SPATA13: variants seen among roughly 807,000 people sequenced by gnomAD.
SPATA13 encodes the protein spermatogenesis-associated protein 13.
In SPATA13, 50 loss-of-function variants were observed where a neutral mutation model predicts 104.0. The observed-to-expected ratio is 0.48, with a 90% CI of 0.38 to 0.61. The LOEUF is 0.61. SPATA13 is among the 20% of genes least tolerant of loss of function. The pLI is 0.00. For missense variants in SPATA13, 1,524 were observed against 1,690.6 expected (o/e 0.90, Z 1.73); for synonymous variants, 606 against 667.5 (o/e 0.91, Z 1.42).
At chr13:24,240,730 C>A (rs1872790361) in intron 2 of SPATA13, among the ~76,000 whole-genome samples, 1 of 152,100 alleles carries the variant, frequency 6.6e-6, no homozygotes. Flanking sequence ...AGTATATTTG[C>A]ATTTTTAAAT....
chr13:24,280,250 G>A (rs143524330), intron 4 of SPATA13, among the ~76,000 whole-genome samples: 3 of 152,286 alleles, frequency 2.0e-5, no homozygotes, highest in Admixed American at 6.5e-5. Flanking sequence ...CTGTCCAGAG[G>A]TTTTTCTCCT....
intron 1 of SPATA13, among the ~76,000 whole-genome samples, chr13:24,217,057 AAAAC>A (rs376585686): frequency 5.3e-5 from 8 of 152,088 alleles, no homozygotes; most frequent in East Asian, 3.8e-4. Flanking sequence ...GTCTCAAAAC[AAAAC>A]AAACAAACAA....
At chr13:24,012,304 G>T in intron 2 of SPATA13, among the ~76,000 whole-genome samples, 2 of 152,204 alleles carry the variant, frequency 1.3e-5, no homozygotes, top group East Asian at 3.9e-4. Context: ...AGCCTCTGAG[G>T]CATAGGGCAG....
chr13:24,134,600 CAGTAGAGACCCTGGATA>C (rs1351285903), intron 3 of SPATA13, among the ~76,000 whole-genome samples: 2 of 152,108 alleles, frequency 1.3e-5, no homozygotes, highest in African/African-American at 4.8e-5. Flanking sequence ...AGGGGAACAT[CAGTAGAGACCCTGGATA>C]TGCCATCTTG....
At chr13:24,240,906 T>C (rs1872800319) in intron 2 of SPATA13, among the ~76,000 whole-genome samples, 1 of 152,202 alleles carries the variant, frequency 6.6e-6, no homozygotes, top group Non-Finnish European at 1.5e-5. Flanking sequence ...TTCATTGTTT[T>C]AAAATGTTTA....
chr13:24,121,336 G>A (rs1830927), intron 3 of SPATA13, among the ~76,000 whole-genome samples: 74,141 of 151,890 alleles, frequency 0.49, 19,198 homozygotes, highest in South Asian at 0.57. Flanking sequence ...TTGCTAGTTC[G>A]TTTTTCAATT....
At chr13:24,257,574 C>G (rs1448053580) in intron 4 of SPATA13, among the ~76,000 whole-genome samples, 1 of 151,472 alleles carries the variant, frequency 6.6e-6, no homozygotes, top group Non-Finnish European at 1.5e-5. Context: ...TTCTAACTTA[C>G]TGAAGTAATT....
intron 3 of SPATA13, among the ~76,000 whole-genome samples, chr13:24,053,269 G>A (rs9511022): frequency 6.6e-6 from 1 of 152,098 alleles, no homozygotes; most frequent in Non-Finnish European, 1.5e-5. Flanking sequence ...CGGCCTCAGT[G>A]CTGTGATCCA....
At chr13:24,231,807 A>G (rs1275978416) in intron 2 of SPATA13, among the ~76,000 whole-genome samples, 1 of 152,190 alleles carries the variant, frequency 6.6e-6, no homozygotes, top group East Asian at 1.9e-4. Context: ...CAGCGGGTGT[A>G]GAGTGGTATT....
chr13:24,224,689 C>A, intron 2 of SPATA13, 107 bp downstream of exon 2: 1 of 1,203,804 alleles, frequency 8.3e-7, no homozygotes, highest in Non-Finnish European at 1.2e-6. Context: ...TGGCCCTCTG[C>A]TGACCTTGTT....
chr13:24,275,212 C>T (rs1031052857), intron 4 of SPATA13, among the ~76,000 whole-genome samples: 8 of 152,164 alleles, frequency 5.3e-5, no homozygotes, highest in African/African-American at 1.7e-4. Flanking sequence ...CTGACAGCTG[C>T]AGCCAGGAGG....
At chr13:24,038,524 G>T (rs962014933) in intron 3 of SPATA13, among the ~76,000 whole-genome samples, 1 of 152,154 alleles carries the variant, frequency 6.6e-6, no homozygotes, top group Non-Finnish European at 1.5e-5. Context: ...CTCTCTTTGT[G>T]CTCAGAAGCA....
chr13:24,041,482 A>T (rs1449399492), intron 3 of SPATA13, among the ~76,000 whole-genome samples: 1 of 152,266 alleles, frequency 6.6e-6, no homozygotes, highest in Non-Finnish European at 1.5e-5. Flanking sequence ...AGATATCGTC[A>T]TATAACAGAT....
chr13:24,001,672 G>C (rs899291420), intron 2 of SPATA13, among the ~76,000 whole-genome samples: 10 of 152,052 alleles, frequency 6.6e-5, no homozygotes, highest in African/African-American at 1.7e-4. Context: ...AAGCAGGAGG[G>C]GTGAGGAGTT....
intron 3 of SPATA13, among the ~76,000 whole-genome samples, chr13:24,124,948 T>C (rs2137828438): frequency 6.6e-6 from 1 of 152,284 alleles, no homozygotes; most frequent in South Asian, 2.1e-4. Context: ...AGGTCAAGGA[T>C]CAAGTGCTTG....
At chr13:24,302,562 C>T in intron 12 of SPATA13, 36 bp from the exon 13 acceptor site, 2 of 1,475,208 alleles carry the variant, frequency 1.4e-6, no homozygotes, top group Admixed American at 2.2e-5. Context: ...AAGCGACCCT[C>T]AGTCCCTGTT....
intron 2 of SPATA13, 100 bp downstream of exon 2, chr13:24,224,682 C>G: frequency 1.6e-6 from 2 of 1,254,282 alleles, no homozygotes; most frequent in Non-Finnish European, 2.2e-6. Context: ...AGGTCAGTGG[C>G]CCTCTGCTGA....
chr13:24,198,951 CTT>C (rs3067263), intron 1 of SPATA13, among the ~76,000 whole-genome samples: 10 of 140,356 alleles, frequency 7.1e-5, no homozygotes, highest in South Asian at 2.3e-4. Flanking sequence ...ACTATAAAAT[CTT>C]TTTTTTTTTT....
intron 4 of SPATA13, chr13:24,271,025 T>A (rs1874566819): frequency 4.4e-6 from 3 of 683,866 alleles, no homozygotes; most frequent in Middle Eastern, 2.5e-4. Context: ...TCTCTCACTC[T>A]CTCTCTCTCT....
Sources: gnomAD v4.1 joint callset for allele counts (sites outside exome capture counted in the v4.1 genomes callset) on GRCh38, gnomAD v4.1.1 for gene constraint, MANE v1.5 for transcripts, NCBI Gene and HGNC (gene_info 2026-07-23, HGNC 2026-07-21) for gene names.